The following HTR4 variants were observed in gnomAD, a reference collection of about 807,000 sequenced individuals.
HTR4 encodes 5-hydroxytryptamine receptor 4, also known as 5-hydroxytryptamine (serotonin) receptor 4, G protein-coupled.
In HTR4, 16 loss-of-function variants were observed where a neutral mutation model predicts 36.8. The ratio of observed to expected loss-of-function variants is 0.43; its 90% CI spans 0.29 to 0.66. The LOEUF (loss-of-function observed/expected upper bound fraction) is 0.66. HTR4 is among the 30% of genes least tolerant of loss of function. The pLI, the probability that HTR4 is intolerant of heterozygous loss-of-function variation, is 0.13. For synonymous variants in HTR4, 189 were observed against 185.1 expected, an observed-to-expected ratio of 1.02 and a Z score of -0.17; for missense variants, 438 against 490.9, an observed-to-expected ratio of 0.89 and a Z score of 1.02.
At chr5:148,580,253 CT>C (rs1363460440) in intron 2 of HTR4, among the ~76,000 whole-genome samples, 1 of 152,014 alleles carries the variant, frequency 6.6e-6, no homozygotes, top group African/African-American at 2.4e-5. Flanking sequence ...TCCCAGTAAT[CT>C]TTTTCCCCCA....
intron 5 of HTR4, 114 bp from the exon 6 acceptor site, chr5:148,510,138 G>A (rs1251966171): frequency 3.1e-6 from 2 of 644,500 alleles, no homozygotes; most frequent in South Asian, 2.2e-5. Flanking sequence ...GGAAAAGGAA[G>A]AAAGTGGAGG....
Position 148,654,090 on chromosome 5 carries a change from CCCTGG to C in HTR4, c.-81_-77del. The C allele has an allele frequency of 1.0e-6, 1 of 985,380 alleles. No homozygotes were observed. 61.0% of individuals were successfully genotyped at this position (985,380 alleles called of 1,614,324 possible). A position where few individuals can be genotyped will look rare whatever the true frequency, so the allele number is the denominator to read the frequency against. On this transcript the variant is annotated 5_prime_UTR_variant, in exon 1 of 7. Coordinates refer to ENST00000377888, the MANE Select transcript of HTR4 (RefSeq NM_000870.7). ...CTGCCAGAGGCGAGGGAGCGAGGTGCCCTGGCAGATTCGAGCGGCCACCCCCAGCC... is the reference window on the plus strand; with the variant it reads ...CTGCCAGAGGCGAGGGAGCGAGGTGCCAGATTCGAGCGGCCACCCCCAGCC...
At chr5:148,596,871 G>A (rs1761798717) in intron 2 of HTR4, among the ~76,000 whole-genome samples, 1 of 152,300 alleles carries the variant, frequency 6.6e-6, no homozygotes, top group African/African-American at 2.4e-5. Context: ...TAGTGAACAA[G>A]ATGGCTATGG....
At chr5:148,543,429 T>C (rs1345691196) in intron 4 of HTR4, among the ~76,000 whole-genome samples, 1 of 152,198 alleles carries the variant, frequency 6.6e-6, no homozygotes, top group Non-Finnish European at 1.5e-5. Context: ...GATCAATTTA[T>C]TATCTGCCGC....
At chr5:148,470,896 C>A (rs1218417353) in intron 5 of HTR4, among the ~76,000 whole-genome samples, 1 of 152,078 alleles carries the variant, frequency 6.6e-6, no homozygotes, top group Non-Finnish European at 1.5e-5. Flanking sequence ...ACCATGTTGA[C>A]CAGGCTGGTC....
At chr5:148,496,474 T>C (rs1300780705) in intron 6 of HTR4, among the ~76,000 whole-genome samples, 1 of 151,948 alleles carries the variant, frequency 6.6e-6, no homozygotes, top group African/African-American at 2.4e-5. Flanking sequence ...CTAAAAGAAA[T>C]TGGGATATTT....
At chr5:148,543,219 G>A (rs1368427277) in intron 4 of HTR4, among the ~76,000 whole-genome samples, 1 of 152,126 alleles carries the variant, frequency 6.6e-6, no homozygotes, top group Non-Finnish European at 1.5e-5. Context: ...GGACAGCATA[G>A]GGACAAAGAG....
intron 4 of HTR4, among the ~76,000 whole-genome samples, chr5:148,541,869 C>T (rs1759133216): frequency 6.6e-6 from 1 of 152,158 alleles, no homozygotes; most frequent in Non-Finnish European, 1.5e-5. Context: ...CCTACTGATA[C>T]CCACAGCCCC....
chr5:148,543,829 C>A (rs1355182675), intron 4 of HTR4, among the ~76,000 whole-genome samples: 2 of 152,052 alleles, frequency 1.3e-5, no homozygotes, highest in African/African-American at 2.4e-5. Flanking sequence ...TGATGCACCC[C>A]GTAAGAGATG....
At chr5:148,459,563 C>T (rs1330998425) in intron 5 of HTR4, among the ~76,000 whole-genome samples, 1 of 152,092 alleles carries the variant, frequency 6.6e-6, no homozygotes, top group East Asian at 1.9e-4. Context: ...ACTCACAGCC[C>T]AGAAGCACAG....
At chr5:148,599,400 G>A (rs1761900276) in intron 2 of HTR4, among the ~76,000 whole-genome samples, 1 of 152,016 alleles carries the variant, frequency 6.6e-6, no homozygotes, top group Non-Finnish European at 1.5e-5. Flanking sequence ...AGGTGGGGAG[G>A]AAATAGACAC....
At chr5:148,456,505 G>C (rs745896301) in intron 5 of HTR4, among the ~76,000 whole-genome samples, 13 of 152,162 alleles carry the variant, frequency 8.5e-5, no homozygotes, top group Non-Finnish European at 1.6e-4. Flanking sequence ...AAACCGAATA[G>C]CATTCAAATC....
intron 4 of HTR4, among the ~76,000 whole-genome samples, chr5:148,546,068 T>G (rs957575797): frequency 1.1e-4 from 17 of 152,150 alleles, no homozygotes; most frequent in African/African-American, 4.1e-4. Flanking sequence ...TTGTCATTAT[T>G]TAAATGTAGG....
intron 1 of HTR4, chr5:148,645,217 T>C (rs886924801): frequency 6.6e-6 from 1 of 152,188 alleles, no homozygotes; most frequent in East Asian, 1.9e-4. Context: ...GGCACTTTTT[T>C]CTGTAAATGG....
At chr5:148,626,751 A>G (rs1753123528) in intron 2 of HTR4, among the ~76,000 whole-genome samples, 1 of 152,186 alleles carries the variant, frequency 6.6e-6, no homozygotes, top group South Asian at 2.1e-4. Flanking sequence ...ATATTTGGAG[A>G]GAGGTTTACC....
rs542047302 is a variant in HTR4 at position 148,621,617 on chromosome 5, T to C, written c.26+15372A>G. On this transcript the variant is annotated intron_variant, in intron 2 of 6. Coordinates refer to ENST00000377888, the MANE Select transcript of HTR4 (RefSeq NM_000870.7). Reference sequence around the variant, plus strand: ...TAGGTGAGCTAGTAAATTCTCACTGTTGCTGAAGCCACTTTGAATTTAGTT... The same window carrying C: ...TAGGTGAGCTAGTAAATTCTCACTGCTGCTGAAGCCACTTTGAATTTAGTT... Among the ~76,000 whole-genome samples the C allele has an allele frequency of 1.4e-4, 21 of 152,338 alleles. No individual in the cohort carries two copies. In the South Asian group the frequency reaches 3.5e-3, roughly 26 times the overall value.
intron 2 of HTR4, among the ~76,000 whole-genome samples, chr5:148,635,650 T>C (rs948040104): frequency 1.3e-5 from 2 of 152,232 alleles, no homozygotes; most frequent in African/African-American, 4.8e-5. Context: ...TCCAGTTTGA[T>C]ACAGTGTCTG....
At chr5:148,580,674 T>C (rs1761097568) in intron 2 of HTR4, among the ~76,000 whole-genome samples, 1 of 152,158 alleles carries the variant, frequency 6.6e-6, no homozygotes. Flanking sequence ...CTTCCAGGTT[T>C]ATACATGTTG....
intron 2 of HTR4, among the ~76,000 whole-genome samples, chr5:148,594,297 A>G (rs11168052): frequency 0.016 from 2,452 of 152,168 alleles, 67 homozygotes; most frequent in African/African-American, 0.055. Context: ...ATAAGAATAA[A>G]AAGTTGAGAT....
Sources: gnomAD v4.1 joint callset for allele counts (sites outside exome capture counted in the v4.1 genomes callset) on GRCh38, gnomAD v4.1.1 for gene constraint, MANE v1.5 for transcripts, NCBI Gene and HGNC (gene_info 2026-07-23, HGNC 2026-07-21) for gene names.